Variants in COP1 observed in about 807,000 individuals in gnomAD.
COP1 encodes COP1 E3 ubiquitin ligase.
In COP1, 24 loss-of-function variants were observed where a neutral mutation model predicts 101.3. The ratio of observed to expected loss-of-function variants is 0.24; its 90% CI spans 0.17 to 0.33. The LOEUF (loss-of-function observed/expected upper bound fraction) is 0.33. Among genes scored for constraint, COP1 ranks in the 10% least tolerant of loss-of-function variants. The probability of loss-of-function intolerance (pLI) is 1.00; values close to 1 mark genes in which losing one functional copy is unlikely to be tolerated. For missense variants in COP1, 663 were observed against 906.2 expected (o/e 0.73, Z 3.45); for synonymous variants, 347 against 341.9 (o/e 1.01, Z -0.17).
intron 9 of COP1, among the ~76,000 whole-genome samples, chr1:176,096,250 T>C (rs1682343036): frequency 6.6e-6 from 1 of 152,092 alleles, no homozygotes; most frequent in Admixed American, 6.5e-5. Flanking sequence ...AGCCTTTTGG[T>C]CCTATGGCAT....
chr1:176,036,306 T>G (rs1669531350), intron 14 of COP1, among the ~76,000 whole-genome samples: 1 of 151,730 alleles, frequency 6.6e-6, no homozygotes, highest in African/African-American at 2.4e-5. Flanking sequence ...CAGAAATCTA[T>G]GAAATTAAAA....
chr1:176,057,507 G>T (rs995336243), intron 11 of COP1, among the ~76,000 whole-genome samples: 6 of 152,172 alleles, frequency 3.9e-5, no homozygotes, highest in African/African-American at 1.4e-4. Context: ...ATTGGTTTTC[G>T]TATTTTTTTG....
At chr1:176,188,095 C>T (rs1698697996) in intron 1 of COP1, among the ~76,000 whole-genome samples, 1 of 151,858 alleles carries the variant, frequency 6.6e-6, no homozygotes, top group Non-Finnish European at 1.5e-5. Context: ...AAAACCTCCC[C>T]ATGTTTGTGG....
At chr1:176,136,412 A>G in intron 7 of COP1, 76 bp downstream of exon 7, 1 of 958,470 alleles carries the variant, frequency 1.0e-6, no homozygotes, top group Non-Finnish European at 1.6e-6. Flanking sequence ...AACTTAACAC[A>G]GCAACTTAAT....
intron 15 of COP1, among the ~76,000 whole-genome samples, chr1:176,004,694 G>A (rs529749540): frequency 6.7e-6 from 1 of 150,058 alleles, no homozygotes; most frequent in East Asian, 2.0e-4. Flanking sequence ...GCATCCCAGG[G>A]ATGAAGCCCA....
chr1:176,122,902 T>C (rs898130076), intron 8 of COP1, among the ~76,000 whole-genome samples: 1 of 152,184 alleles, frequency 6.6e-6, no homozygotes, highest in Admixed American at 6.5e-5. Flanking sequence ...TTATCACTTT[T>C]GGAAGTAAAC....
chr1:175,998,560 T>C lies in COP1; in HGVS notation c.1730-9081A>G, dbSNP rs183379246. On this transcript the variant is annotated intron_variant, in intron 15 of 19. Coordinates refer to ENST00000367669, the MANE Select transcript of COP1 (RefSeq NM_022457.7). The stretch of plus-strand genomic sequence containing the variant: ...TTAAAAAATAATTATCTTCTGTGAA[T>C]GGAAATATATTTAAAAACTAAATCT... Among the ~76,000 whole-genome samples, 144 of 152,106 alleles carry C rather than the reference T, an allele frequency of 9.5e-4. 1 individual carries two copies. The highest frequency in any genetic ancestry group is 3.1e-3 in the African/African-American group (128 of 41,524).
intron 11 of COP1, among the ~76,000 whole-genome samples, chr1:176,057,311 A>ACCTCTCCCTCTC (rs370930578): frequency 6.6e-6 from 1 of 151,736 alleles, no homozygotes; most frequent in Non-Finnish European, 1.5e-5. Context: ...CAAGAATGTG[A>ACCTCTCCCTCTC]CCTCTCCCTC....
At chr1:176,176,813 A>C (rs1696998970) in intron 2 of COP1, among the ~76,000 whole-genome samples, 2 of 60,480 alleles carry the variant, frequency 3.3e-5, no homozygotes, top group African/African-American at 6.7e-5. Flanking sequence ...GTCTGAAAAA[A>C]AGAGAAAAAA....
chr1:175,953,278 T>C (rs1650184222), intron 18 of COP1, among the ~76,000 whole-genome samples: 1 of 143,994 alleles, frequency 6.9e-6, no homozygotes, highest in African/African-American at 2.4e-5. Flanking sequence ...GAAAAAATAT[T>C]ATAAAAATAC....
At chr1:176,065,715 T>G (rs1325938458) in intron 11 of COP1, among the ~76,000 whole-genome samples, 2 of 150,002 alleles carry the variant, frequency 1.3e-5, no homozygotes, top group Non-Finnish European at 3.0e-5. Context: ...TTTTTTTTTT[T>G]TTTTTTTTTT....
intron 9 of COP1, among the ~76,000 whole-genome samples, chr1:176,104,358 G>T (rs1246833029): frequency 6.6e-6 from 1 of 151,908 alleles, no homozygotes; most frequent in Non-Finnish European, 1.5e-5. Context: ...CTTTTGAATG[G>T]TAAAAAAATA....
chr1:175,976,263 A>G (rs1242718536), intron 18 of COP1, among the ~76,000 whole-genome samples: 2 of 78,558 alleles, frequency 2.5e-5, no homozygotes, highest in Non-Finnish European at 5.6e-5. Flanking sequence ...TATATCAATT[A>G]GTCATTCTTT....
intron 15 of COP1, among the ~76,000 whole-genome samples, chr1:176,016,069 T>C (rs552611512): frequency 2.0e-4 from 31 of 152,064 alleles, no homozygotes; most frequent in African/African-American, 7.0e-4. Flanking sequence ...AAAAGAAAAA[T>C]TGAGTTCTGG....
intron 15 of COP1, among the ~76,000 whole-genome samples, chr1:176,011,622 G>A (rs1571660694): frequency 1.3e-5 from 2 of 152,238 alleles, no homozygotes; most frequent in African/African-American, 2.4e-5. Flanking sequence ...TACTCAAAAT[G>A]TGAGCTTCAA....
chr1:175,992,537 C>T (rs1658839770), intron 15 of COP1, among the ~76,000 whole-genome samples: 1 of 152,194 alleles, frequency 6.6e-6, no homozygotes, highest in African/African-American at 2.4e-5. Context: ...TGGGTCACTC[C>T]CACCCTAATA....
chr1:176,161,034 G>T (rs1237048263), intron 5 of COP1, among the ~76,000 whole-genome samples: 1 of 152,102 alleles, frequency 6.6e-6, no homozygotes, highest in Non-Finnish European at 1.5e-5. Context: ...ATACCTGATG[G>T]TCCCAATCCC....
chr1:176,134,954 C>A (rs1241118911), intron 8 of COP1, 56 bp downstream of exon 8: 4 of 1,289,748 alleles, frequency 3.1e-6, no homozygotes, highest in South Asian at 1.2e-5. Context: ...AAGGACTAGA[C>A]CATATGCATA....
At chr1:176,089,059 T>C (rs1340159327) in intron 9 of COP1, among the ~76,000 whole-genome samples, 2 of 150,962 alleles carry the variant, frequency 1.3e-5, no homozygotes, top group African/African-American at 4.9e-5. Flanking sequence ...TCCCAGCACT[T>C]TGGGAGGCCG....
Sources: gnomAD v4.1 joint callset for allele counts (sites outside exome capture counted in the v4.1 genomes callset) on GRCh38, gnomAD v4.1.1 for gene constraint, MANE v1.5 for transcripts, NCBI Gene and HGNC (gene_info 2026-07-23, HGNC 2026-07-21) for gene names.